The following CHD9 variants were observed in gnomAD, a reference collection of about 807,000 sequenced individuals.
CHD9 encodes chromodomain helicase DNA binding protein 9, also known as ATP-dependent chromatin remodeler CHD9.
In CHD9, 77 loss-of-function variants were observed where a neutral mutation model predicts 316.1. The observed-to-expected ratio is 0.24, with a 90% CI of 0.20 to 0.29. The LOEUF (loss-of-function observed/expected upper bound fraction) is 0.29, where lower values mean the gene tolerates loss of function less well. CHD9 is among the 10% of genes least tolerant of loss of function. The probability of loss-of-function intolerance (pLI) is 1.00; values close to 1 mark genes in which losing one functional copy is unlikely to be tolerated. For missense variants in CHD9, 2,763 were observed against 3,438.1 expected (o/e 0.80, Z 4.91); for synonymous variants, 1,129 against 1,158.3 (o/e 0.97, Z 0.51).
intron 3 of CHD9, 38 bp from the exon 4 acceptor site, chr16:53,222,606 A>G (rs183682570): frequency 3.1e-6 from 3 of 976,314 alleles, no homozygotes; most frequent in Admixed American, 2.4e-5. Flanking sequence ...GGAAAATTCA[A>G]AGAATTCATA....
Position 53,213,000 on chromosome 16 carries a change from C to T in CHD9, c.1784+3187C>T, listed in dbSNP as rs528842493. Among the ~76,000 whole-genome samples, 6 of 152,228 alleles carry T rather than the reference C, an allele frequency of 3.9e-5. 1 individual carries two copies. The highest frequency in any genetic ancestry group is 3.9e-4 in the Admixed American group (6 of 15,282). Reference sequence around the variant, plus strand: ...TAAGGAAAAAGCCAAGGCCAGGAGCCACACCCCTTCCTTCAAGCCCACACT... The same window carrying T: ...TAAGGAAAAAGCCAAGGCCAGGAGCTACACCCCTTCCTTCAAGCCCACACT... On this transcript the variant is annotated intron_variant, in intron 3 of 38. Transcript: ENST00000447540.
intron 1 of CHD9, among the ~76,000 whole-genome samples, chr16:53,115,186 G>C (rs2038196415): frequency 6.6e-6 from 1 of 152,180 alleles, no homozygotes; most frequent in Non-Finnish European, 1.5e-5. Context: ...TAGCAGCCTA[G>C]AGAATGATCC....
chr16:53,177,285 G>A (rs2043158041), intron 2 of CHD9, among the ~76,000 whole-genome samples: 1 of 152,128 alleles, frequency 6.6e-6, no homozygotes, highest in South Asian at 2.1e-4. Flanking sequence ...GAAGAAACTA[G>A]GTTCTAGGTA....
intron 2 of CHD9, chr16:53,208,205 T>C: frequency 8.7e-7 from 1 of 1,154,584 alleles, no homozygotes; most frequent in Non-Finnish European, 1.1e-6. Context: ...TGTGCATCTC[T>C]TGGTTGCAGC....
chr16:53,201,960 G>C (rs2045496505), intron 2 of CHD9, among the ~76,000 whole-genome samples: 1 of 151,926 alleles, frequency 6.6e-6, no homozygotes, highest in African/African-American at 2.4e-5. Flanking sequence ...CTGGGCTCAA[G>C]TAATCCTCCC....
At chr16:53,150,836 C>T (rs554845641) in intron 1 of CHD9, among the ~76,000 whole-genome samples, 141 of 152,250 alleles carry the variant, frequency 9.3e-4, no homozygotes, top group Non-Finnish European at 1.9e-3. Context: ...ATGAGAAATC[C>T]ACTTGTATCT....
intron 1 of CHD9, among the ~76,000 whole-genome samples, chr16:53,066,777 A>G (rs1229177557): frequency 6.6e-6 from 1 of 152,070 alleles, no homozygotes; most frequent in African/African-American, 2.4e-5. Flanking sequence ...TCACAAGTCC[A>G]TTACACCTGT....
intron 24 of CHD9, among the ~76,000 whole-genome samples, chr16:53,281,696 C>T (rs923708562): frequency 6.6e-6 from 1 of 152,182 alleles, no homozygotes; most frequent in Non-Finnish European, 1.5e-5. Context: ...CCACCATGCT[C>T]CAGCCACAGT....
intron 1 of CHD9, among the ~76,000 whole-genome samples, chr16:53,105,377 C>CT (rs1307734488): frequency 1.3e-5 from 2 of 151,530 alleles, no homozygotes; most frequent in East Asian, 1.9e-4. Context: ...TTTGTTTTGC[C>CT]TTTTTTTTGT....
chr16:53,098,521 A>G lies in CHD9; in HGVS notation c.-165+43444A>G, dbSNP rs74635840. 5.6e-3 allele frequency among the ~76,000 whole-genome samples: 846 copies of G among 151,700 alleles called. 7 individuals are homozygous for G. The highest frequency in any genetic ancestry group is 0.02 in the African/African-American group (811 of 41,410). ...AGAAAGAAAAGCTGGGAGGCCTGAGATTTTGTGTCTATTATACCTAAGGGA... is the reference window on the plus strand; with the variant it reads ...AGAAAGAAAAGCTGGGAGGCCTGAGGTTTTGTGTCTATTATACCTAAGGGA... On this transcript the variant is annotated intron_variant, in intron 1 of 38. Coordinates refer to ENST00000447540, the MANE Select transcript of CHD9 (RefSeq NM_001308319.2).
chr16:53,080,797 C>T (rs1262227218), intron 1 of CHD9, among the ~76,000 whole-genome samples: 1 of 152,212 alleles, frequency 6.6e-6, no homozygotes, highest in Non-Finnish European at 1.5e-5. Flanking sequence ...ACCCCCACCT[C>T]CTGGCTAGGC....
chr16:53,275,173 A>C (rs2052690020), intron 24 of CHD9, among the ~76,000 whole-genome samples: 1 of 152,248 alleles, frequency 6.6e-6, no homozygotes, highest in African/African-American at 2.4e-5. Flanking sequence ...CTGGGATTAC[A>C]GGTGCCATCA....
At chr16:53,164,537 C>T (rs1412199861) in intron 2 of CHD9, among the ~76,000 whole-genome samples, 1 of 152,056 alleles carries the variant, frequency 6.6e-6, no homozygotes, top group Non-Finnish European at 1.5e-5. Context: ...CAGGATTGTG[C>T]CACTGCACTC....
intron 30 of CHD9, among the ~76,000 whole-genome samples, chr16:53,302,214 A>G (rs12927940): frequency 0.12 from 17,930 of 152,176 alleles, 1,267 homozygotes; most frequent in South Asian, 0.24. Context: ...AGATCCTACA[A>G]TGTATTTGGT....
At chr16:53,151,623 A>G (rs1597175608) in intron 1 of CHD9, among the ~76,000 whole-genome samples, 3 of 152,192 alleles carry the variant, frequency 2.0e-5, no homozygotes, top group Admixed American at 1.3e-4. Flanking sequence ...TCTATCTTCA[A>G]GTCTTCAAGT....
chr16:53,185,245 C>T (rs920365710), intron 2 of CHD9, among the ~76,000 whole-genome samples: 1 of 152,128 alleles, frequency 6.6e-6, no homozygotes, highest in African/African-American at 2.4e-5. Flanking sequence ...ATGGCTTTGA[C>T]CAAAATGCTG....
At chr16:53,135,694 A>G (rs1895573138) in intron 1 of CHD9, among the ~76,000 whole-genome samples, 1 of 152,210 alleles carries the variant, frequency 6.6e-6, no homozygotes, top group Admixed American at 6.5e-5. Flanking sequence ...GTCTACCTTT[A>G]TCTGAATGAT....
At position 53,267,348 on chromosome 16, in the gene CHD9, G is replaced by A. The variant is rs1304921945; in HGVS notation, c.4375G>A (p.Ala1459Thr). ...RIRKQTRPFSATKDELAELSE... is the reference protein window; with the variant it reads ...RIRKQTRPFSTTKDELAELSE... Reference sequence around the variant, plus strand: ...TAGGAAGCAAACAAGACCTTTTAGTGCCACAAAAGATGAATTGGCTGAATT... The same window carrying A: ...TAGGAAGCAAACAAGACCTTTTAGTACCACAAAAGATGAATTGGCTGAATT... Residue 1459 changes from alanine (A) to threonine (T), a missense_variant, in exon 21 of 39, where the codon GCC becomes ACC. Physicochemically the swap from Ala to Thr is moderately conservative, Grantham distance 58. Transcript: ENST00000447540. The A allele has an allele frequency of 1.9e-5, 30 of 1,612,324 alleles. No homozygotes were observed. Among genetic ancestry groups the A allele is most frequent in the Non-Finnish European group, 2.5e-5 (30 of 1,179,046 alleles).
intron 1 of CHD9, among the ~76,000 whole-genome samples, chr16:53,102,063 AAGTT>A (rs2036930767): frequency 6.6e-6 from 1 of 152,100 alleles, no homozygotes; most frequent in Non-Finnish European, 1.5e-5. Flanking sequence ...CAGGGCTATT[AAGTT>A]TCCAGAAGGT....
Sources: allele counts gnomAD v4.1 joint callset (sites outside exome capture counted in the v4.1 genomes callset), GRCh38; gene constraint gnomAD v4.1.1; transcripts MANE v1.5; gene names NCBI Gene and HGNC (gene_info 2026-07-23, HGNC 2026-07-21).